The following DIAPH1 variants were observed in gnomAD, a reference collection of about 807,000 sequenced individuals.
The protein encoded by DIAPH1 is diaphanous related formin 1.
In DIAPH1, 46 loss-of-function variants were observed where a neutral mutation model predicts 140.7. The ratio of observed to expected loss-of-function variants is 0.33; its 90% CI spans 0.26 to 0.42. The LOEUF (loss-of-function observed/expected upper bound fraction) is 0.42. Among genes scored for constraint, DIAPH1 ranks in the 10% least tolerant of loss-of-function variants. DIAPH1 has a pLI of 1.00. For missense variants in DIAPH1, 1,310 were observed against 1,558.7 expected (o/e 0.84, Z 2.69); for synonymous variants, 565 against 551.6 (o/e 1.02, Z -0.34).
At chr5:141,519,789 A>G (rs2099886235) in intron 27 of DIAPH1, among the ~76,000 whole-genome samples, 1 of 152,194 alleles carries the variant, frequency 6.6e-6, no homozygotes, top group South Asian at 2.1e-4. Flanking sequence ...CTCACTCACC[A>G]TTATGCTCAG....
intron 1 of DIAPH1, among the ~76,000 whole-genome samples, chr5:141,592,191 T>C (rs191396529): frequency 1.6e-4 from 25 of 152,062 alleles, no homozygotes; most frequent in Middle Eastern, 6.8e-3. Context: ...AAAGCTGCAT[T>C]TCCTGAGCTA....
At chr5:141,606,729 T>A (rs78530459) in intron 1 of DIAPH1, among the ~76,000 whole-genome samples, 1 of 152,210 alleles carries the variant, frequency 6.6e-6, no homozygotes. Flanking sequence ...GAGTTTTTTT[T>A]AATCCTACAG....
chr5:141,545,260 G>T lies in DIAPH1; in HGVS notation c.2483-10827C>A, dbSNP rs539177881. ...ATATAATACTGTACACATAAAAAGG[G>T]TGAATTTTACTATATATAAATTATA... On this transcript the variant is annotated intron_variant, in intron 18 of 27. Coordinates refer to ENST00000389054, the MANE Select transcript of DIAPH1 (RefSeq NM_005219.5). Among the ~76,000 whole-genome samples the T allele has an allele frequency of 2.0e-5, 3 of 152,292 alleles. No individual in the cohort carries two copies. The South Asian group carries it at 6.2e-4, about 32-fold the overall frequency.
At chr5:141,558,198 T>C (rs2099892949) in intron 18 of DIAPH1, 1 of 152,236 alleles carries the variant, frequency 6.6e-6, no homozygotes, top group Non-Finnish European at 1.5e-5. Flanking sequence ...AAAATAATTT[T>C]CAGTCTCTAA....
chr5:141,586,904 G>T, intron 3 of DIAPH1, 138 bp downstream of exon 3: 1 of 863,132 alleles, frequency 1.2e-6, no homozygotes. Context: ...TGGGATTAAA[G>T]GGTTAATATT....
Position 141,596,332 on chromosome 5 carries a change from CA to C in DIAPH1, c.118-8083del, listed in dbSNP as rs912789961. 2.0e-3 allele frequency among the ~76,000 whole-genome samples: 275 copies of C among 140,748 alleles called. 1 individual carries two copies. Among genetic ancestry groups the C allele is most frequent in the African/African-American group, 5.7e-3 (218 of 38,468 alleles). The allele number at this position is 140,748 out of a possible 152,430, so 92.3% of individuals were successfully genotyped here. ...TGGGTGACAGAGCAAGACTCTGTCT[CA>C]AAAAAAAAAAGTAATAATAATTAGC... is the stretch of plus-strand genomic sequence containing the variant. On this transcript the variant is annotated intron_variant, in intron 1 of 27. Coordinates refer to ENST00000389054, the MANE Select transcript of DIAPH1 (RefSeq NM_005219.5).
At chr5:141,533,917 G>C (rs2099888620) in intron 19 of DIAPH1, among the ~76,000 whole-genome samples, 1 of 151,378 alleles carries the variant, frequency 6.6e-6, no homozygotes, top group African/African-American at 2.4e-5. Context: ...TGTAGTCTCA[G>C]CTACTTGGGA....
At chr5:141,605,167 A>G (rs1208444893) in intron 1 of DIAPH1, among the ~76,000 whole-genome samples, 2 of 152,182 alleles carry the variant, frequency 1.3e-5, no homozygotes, top group Non-Finnish European at 2.9e-5. Flanking sequence ...ATTTTCTTAG[A>G]AAAAAACTAT....
intron 8 of DIAPH1, among the ~76,000 whole-genome samples, chr5:141,580,499 A>G (rs896132083): frequency 2.0e-5 from 3 of 152,158 alleles, no homozygotes; most frequent in Non-Finnish European, 2.9e-5. Context: ...GACAATACAG[A>G]TATTAATGGA....
intron 27 of DIAPH1, among the ~76,000 whole-genome samples, chr5:141,521,055 C>T (rs557888969): frequency 1.3e-5 from 2 of 152,264 alleles, no homozygotes; most frequent in Admixed American, 1.3e-4. Flanking sequence ...TGCCTGCCAC[C>T]ACGCCCGGCT....
intron 18 of DIAPH1, among the ~76,000 whole-genome samples, chr5:141,567,817 G>A (rs2099894606): frequency 6.6e-6 from 1 of 152,214 alleles, no homozygotes; most frequent in East Asian, 1.9e-4. Flanking sequence ...CAGCAGACAG[G>A]TAAACCTATC....
At chr5:141,572,810 G>C (rs543905052) in intron 16 of DIAPH1, among the ~76,000 whole-genome samples, 2 of 151,732 alleles carry the variant, frequency 1.3e-5, no homozygotes, top group South Asian at 2.1e-4. Flanking sequence ...ACATCCTGCG[G>C]AATTGGGATA....
intron 2 of DIAPH1, 89 bp from the exon 3 acceptor site, chr5:141,587,286 C>T (rs1164303060): frequency 2.7e-5 from 36 of 1,353,586 alleles, no homozygotes; most frequent in East Asian, 1.2e-4. Context: ...TAACCTCTTA[C>T]ACAGGCATGG....
chr5:141,563,136 C>CCAT (rs1449881938), intron 18 of DIAPH1: 1 of 152,310 alleles, frequency 6.6e-6, no homozygotes, highest in African/African-American at 2.4e-5. Context: ...ACTCTGCCCT[C>CCAT]CATCCATCCT....
chr5:141,577,440 C>T, intron 12 of DIAPH1, 35 bp downstream of exon 12: 1 of 1,435,560 alleles, frequency 7.0e-7, no homozygotes, highest in Non-Finnish European at 9.8e-7. Flanking sequence ...CACTTAGGCT[C>T]AAATTCAAAA....
intron 1 of DIAPH1, among the ~76,000 whole-genome samples, chr5:141,600,017 C>CTGT (rs1275033894): frequency 5.9e-5 from 9 of 152,194 alleles, no homozygotes; most frequent in Admixed American, 2.0e-4. Flanking sequence ...CATATAGCAC[C>CTGT]ATGCCTGGCT....
intron 3 of DIAPH1, among the ~76,000 whole-genome samples, chr5:141,584,455 T>TC (rs397824390): frequency 2.0e-5 from 3 of 151,820 alleles, no homozygotes; most frequent in Admixed American, 6.6e-5. Context: ...ACACTTTTTT[T>TC]CTCTAAGAAA....
intron 1 of DIAPH1, among the ~76,000 whole-genome samples, chr5:141,595,672 T>G (rs1053458123): frequency 6.6e-6 from 1 of 152,156 alleles, no homozygotes; most frequent in Non-Finnish European, 1.5e-5. Flanking sequence ...TCCATCATGA[T>G]TGTAAGTTTC....
Position 141,528,851 on chromosome 5 carries a change from T to C in DIAPH1, c.2869A>G (p.Ile957Val), listed in dbSNP as rs2099887781. 6.2e-7 allele frequency: 1 copy of C among 1,614,224 alleles called. No individual in the cohort carries two copies. Reference protein sequence around the residue: ...SEQVENIKPEIVSVTAACEEL... With the variant: ...SEQVENIKPEVVSVTAACEEL... ...TCACATGCAGCAGTGACAGACACAA[T>C]CTCTGGCTTGATATTCTCCACTTGC... Residue 957 changes from isoleucine to valine, a missense_variant, in exon 22 of 28, where the codon ATT becomes GTT. Ile to Val is a conservative substitution (Grantham distance 29, BLOSUM62 3). This residue lies in a region of DIAPH1 where 344 missense variants were observed against 512.2 expected (regional missense o/e 0.67). Coordinates refer to ENST00000389054, the MANE Select transcript of DIAPH1 (RefSeq NM_005219.5).
Sources: allele counts gnomAD v4.1 joint callset (sites outside exome capture counted in the v4.1 genomes callset), GRCh38; gene constraint gnomAD v4.1.1; regional missense constraint gnomAD v4.1.1; transcripts MANE v1.5; gene names NCBI Gene and HGNC (gene_info 2026-07-23, HGNC 2026-07-21).